PRRX2: variants seen among roughly 807,000 people sequenced by gnomAD.
PRRX2 encodes the protein paired related homeobox 2.
A neutral mutation model predicts 18.0 loss-of-function variants in PRRX2; 11 were observed. The ratio of observed to expected loss-of-function variants is 0.61; its 90% CI spans 0.39 to 1.01. The LOEUF is 1.01. Ranked by LOEUF, PRRX2 falls within the 50% of genes least tolerant of loss-of-function variation. PRRX2 has a pLI of 0.01. For synonymous variants in PRRX2, 177 were observed against 154.8 expected (o/e 1.14, Z -1.06); for missense variants, 387 against 351.0 (o/e 1.10, Z -0.82).
intron 1 of PRRX2, among the ~76,000 whole-genome samples, chr9:129,685,680 A>G (rs766764920): frequency 5.3e-5 from 8 of 152,188 alleles, no homozygotes; most frequent in Non-Finnish European, 1.0e-4. Context: ...ACTAAGTTAA[A>G]AACAATTTCC....
chr9:129,677,542 A>C (rs964389282), intron 1 of PRRX2, among the ~76,000 whole-genome samples: 1 of 152,158 alleles, frequency 6.6e-6, no homozygotes, highest in Non-Finnish European at 1.5e-5. Flanking sequence ...TGTCCTGAGG[A>C]AGGCCCCCCT....
chr9:129,676,889 C>T (rs577024550), intron 1 of PRRX2, among the ~76,000 whole-genome samples: 1 of 152,230 alleles, frequency 6.6e-6, no homozygotes, highest in African/African-American at 2.4e-5. Flanking sequence ...CAGAGAAAAC[C>T]TCCCTAAGTT....
chr9:129,680,469 C>T (rs11788575), intron 1 of PRRX2, among the ~76,000 whole-genome samples: 3,096 of 118,454 alleles, frequency 0.026, 44 homozygotes, highest in Non-Finnish European at 0.039. Flanking sequence ...CTCTCTCCCA[C>T]CCCCCCCACC....
At position 129,709,284 on chromosome 9, in the gene PRRX2, C is replaced by T. The variant is rs564356964; in HGVS notation, c.260-9947C>T. 1.3e-5 allele frequency among the ~76,000 whole-genome samples: 2 copies of T among 152,160 alleles called. No individual in the cohort carries two copies. Among genetic ancestry groups the T allele is most frequent in the Admixed American group, 6.5e-5 (1 of 15,280 alleles). On this transcript the variant is annotated intron_variant, in intron 1 of 3. Transcript: ENST00000372469. This position sits in a 1 kb window ranked among gnomAD's most constrained non-coding sequence, Gnocchi z 4.2. ...TGGCCCCATGGAAATGTGTGCATGT[C>T]ATGTATTTAGGGGTGAGGCTCCCGA...
chr9:129,716,723 G>A (rs1832712663), intron 1 of PRRX2, among the ~76,000 whole-genome samples: 1 of 152,028 alleles, frequency 6.6e-6, no homozygotes, highest in African/African-American at 2.4e-5. Context: ...CCAAAGTGCT[G>A]GGATTACAGG....
intron 1 of PRRX2, among the ~76,000 whole-genome samples, chr9:129,667,610 G>A (rs79636645): frequency 0.017 from 2,509 of 152,050 alleles, 30 homozygotes; most frequent in South Asian, 0.058. Flanking sequence ...AGGAGAGAGG[G>A]GTGAGGAGGG....
chr9:129,696,775 C>G (rs1218053491), intron 1 of PRRX2, among the ~76,000 whole-genome samples: 1 of 151,926 alleles, frequency 6.6e-6, no homozygotes, highest in African/African-American at 2.4e-5. Flanking sequence ...AGGACCCTCG[C>G]TAAGGGATCA....
At chr9:129,689,764 A>G (rs58580119) in intron 1 of PRRX2, among the ~76,000 whole-genome samples, 18 of 140,078 alleles carry the variant, frequency 1.3e-4, no homozygotes, top group African/African-American at 5.5e-4. Flanking sequence ...TTATTTATTT[A>G]TTTATTGAGA....
In PRRX2 at chr9:129,709,374, A is replaced by T. The variant is rs940104046; in HGVS notation, c.260-9857A>T. ...AGGGCTCTGCTGAGGTTTGTGGGGG[A>T]CATGAGGGAACCTCCTCCAGCCTCC... On this transcript the variant is annotated intron_variant, in intron 1 of 3. Coordinates refer to ENST00000372469, the MANE Select transcript of PRRX2 (RefSeq NM_016307.4). The surrounding 1 kb of genome is among the most constrained non-coding windows in gnomAD (Gnocchi z 4.2). 6.6e-6 allele frequency among the ~76,000 whole-genome samples: 1 copy of T among 151,988 alleles called. No homozygotes were observed. The highest frequency in any genetic ancestry group is 6.6e-5 in the Admixed American group (1 of 15,262).
chr9:129,669,846 C>T (rs1021704215), intron 1 of PRRX2, among the ~76,000 whole-genome samples: 5 of 151,804 alleles, frequency 3.3e-5, no homozygotes, highest in African/African-American at 1.2e-4. Context: ...TAAAAGATGC[C>T]TAACATCAGA....
At chr9:129,711,032 C>T (rs147170574) in intron 1 of PRRX2, among the ~76,000 whole-genome samples, 1 of 152,280 alleles carries the variant, frequency 6.6e-6, no homozygotes, top group African/African-American at 2.4e-5. Flanking sequence ...CCTGAAGCCA[C>T]ATGCTGCAGC....
intron 1 of PRRX2, among the ~76,000 whole-genome samples, chr9:129,673,930 C>T (rs1282554214): frequency 6.6e-6 from 1 of 152,092 alleles, no homozygotes; most frequent in African/African-American, 2.4e-5. Context: ...AGATGGGGTG[C>T]CCGGCGGTCA....
intron 1 of PRRX2, among the ~76,000 whole-genome samples, chr9:129,685,134 G>A (rs1832286394): frequency 1.3e-5 from 2 of 152,200 alleles, no homozygotes; most frequent in African/African-American, 4.8e-5. Flanking sequence ...TCAGGAAGCT[G>A]TGGAGGGGTC....
At chr9:129,691,936 T>TTTAA (rs1832366129) in intron 1 of PRRX2, among the ~76,000 whole-genome samples, 1 of 150,764 alleles carries the variant, frequency 6.6e-6, no homozygotes, top group Non-Finnish European at 1.5e-5. Flanking sequence ...ACGGTACTTA[T>TTTAA]TTATTTATTT....
intron 1 of PRRX2, among the ~76,000 whole-genome samples, chr9:129,694,161 C>A (rs183922483): frequency 6.6e-5 from 10 of 152,206 alleles, no homozygotes; most frequent in Non-Finnish European, 2.9e-5. Context: ...AAAAACACCC[C>A]ACGTCTCCCC....
chr9:129,684,518 A>ACC (rs1312398778), intron 1 of PRRX2, among the ~76,000 whole-genome samples: 3,089 of 38,418 alleles, frequency 0.08, 105 homozygotes, highest in African/African-American at 0.2. Flanking sequence ...ACACACACAC[A>ACC]CACACCCACA....
intron 1 of PRRX2, among the ~76,000 whole-genome samples, chr9:129,712,558 A>G (rs1379180158): frequency 6.6e-6 from 1 of 152,190 alleles, no homozygotes; most frequent in African/African-American, 2.4e-5. Context: ...TACGTGTGAA[A>G]TAATTTAATG....
intron 3 of PRRX2, 49 bp from the exon 4 acceptor site, chr9:129,722,168 C>A (rs1832801316): frequency 6.3e-7 from 1 of 1,590,814 alleles, no homozygotes; most frequent in East Asian, 2.2e-5. Flanking sequence ...AGCACTGATA[C>A]CCAGAAGCCA....
In PRRX2 at chr9:129,665,962, C is replaced by G; in HGVS notation, c.95C>G (p.Ala32Gly). The change falls in exon 1 of 4, where the codon GCC becomes GGC. Residue 32 changes from alanine to glycine, a missense_variant. Transcript: ENST00000372469. This position sits in a 1 kb window ranked among gnomAD's most constrained non-coding sequence, Gnocchi z 5.3. ...CCCGCGCTGGGGCCCGGCGACTGCG[C>G]CCAGGCGCGCAAGAACTTCTCGGTG... ...PPPALGPGDCAQARKNFSVSH... is the reference protein window; with the variant it reads ...PPPALGPGDCGQARKNFSVSH... The G allele has an allele frequency of 8.7e-7, 1 of 1,143,194 alleles. No homozygotes were observed. The highest frequency in any genetic ancestry group is 1.1e-6 in the Non-Finnish European group (1 of 924,846). 70.8% of individuals were successfully genotyped at this position (1,143,194 alleles called of 1,614,324 possible).
Sources: gnomAD v4.1 joint callset for allele counts (sites outside exome capture counted in the v4.1 genomes callset) on GRCh38, gnomAD v4.1.1 for gene constraint, Gnocchi (gnomAD v3.1) non-coding constraint, MANE v1.5 for transcripts, NCBI Gene and HGNC (gene_info 2026-07-23, HGNC 2026-07-21) for gene names.